Variants in STK24 observed in about 807,000 individuals in gnomAD.
The protein encoded by STK24 is serine/threonine kinase 24.
Under a neutral mutation model 55.6 loss-of-function variants are expected in STK24, and 21 were observed. The ratio of observed to expected loss-of-function variants is 0.38; its 90% CI spans 0.27 to 0.54. STK24 has a LOEUF of 0.54. STK24 is among the 20% of genes least tolerant of loss of function. STK24 has a pLI of 0.79. For synonymous variants in STK24, 200 were observed against 215.2 expected, an observed-to-expected ratio of 0.93 and a Z score of 0.62; for missense variants, 383 against 538.4, an observed-to-expected ratio of 0.71 and a Z score of 2.86.
rs371897029 is a variant in STK24, at chr13:98,514,463, C to G, written c.273+4780G>C. 1.6e-3 allele frequency among the ~76,000 whole-genome samples: 250 copies of G among 152,324 alleles called. 1 individual carries two copies. Among genetic ancestry groups the G allele is most frequent in the African/African-American group, 5.9e-3 (244 of 41,572 alleles). ...CACAATCAATCCTTTCCCAGAATAA[C>G]CTGTACTTTCATAGAGTACTTAGTT... On this transcript the variant is annotated intron_variant, in intron 2 of 10. Coordinates refer to ENST00000539966, the MANE Select transcript of STK24 (RefSeq NM_001032296.4).
At chr13:98,555,048 G>C (rs1897252259) in intron 1 of STK24, among the ~76,000 whole-genome samples, 1 of 142,844 alleles carries the variant, frequency 7.0e-6, no homozygotes, top group Non-Finnish European at 1.5e-5. Context: ...AGAAAAAATA[G>C]TTTAAGAACA....
At chr13:98,554,027 A>T (rs533321228) in intron 1 of STK24, among the ~76,000 whole-genome samples, 1 of 149,772 alleles carries the variant, frequency 6.7e-6, no homozygotes, top group African/African-American at 2.5e-5. Context: ...ACGCCACTGC[A>T]CTCCAGCCTG....
At chr13:98,551,531 G>A (rs1897160925) in intron 1 of STK24, among the ~76,000 whole-genome samples, 3 of 151,628 alleles carry the variant, frequency 2.0e-5, no homozygotes, top group African/African-American at 7.3e-5. Flanking sequence ...TTTCATGCAG[G>A]AGGGAGGAAG....
chr13:98,500,370 G>A (rs1246087778), intron 2 of STK24, among the ~76,000 whole-genome samples: 1 of 152,138 alleles, frequency 6.6e-6, no homozygotes, highest in Non-Finnish European at 1.5e-5. Context: ...TATTTAAGAA[G>A]GCTCTGCCAT....
chr13:98,546,069 G>C (rs1897022142), intron 1 of STK24, among the ~76,000 whole-genome samples: 1 of 152,220 alleles, frequency 6.6e-6, no homozygotes, highest in African/African-American at 2.4e-5. Context: ...AAGGCTAAGA[G>C]TACAGGATTA....
rs78779370 is a variant in STK24 at position 98,569,314 on chromosome 13, G to C, written c.42+7431C>G. On this transcript the variant is annotated intron_variant, in intron 1 of 10. Transcript: ENST00000539966. Reference sequence around the variant, plus strand: ...CTGAGGGAGAAGAAAAAAAATTTTTGAAAAGCCTGTCTCCCACGCTGCCTA... The same window carrying C: ...CTGAGGGAGAAGAAAAAAAATTTTTCAAAAGCCTGTCTCCCACGCTGCCTA... Among the ~76,000 whole-genome samples, 1,325 of 150,722 alleles carry C rather than the reference G, an allele frequency of 8.8e-3. 25 individuals are homozygous for C. The highest frequency in any genetic ancestry group is 0.03 in the African/African-American group (1,219 of 40,922).
At chr13:98,555,014 CAA>C (rs398024117) in intron 1 of STK24, among the ~76,000 whole-genome samples, 40 of 88,314 alleles carry the variant, frequency 4.5e-4, no homozygotes, top group South Asian at 3.9e-3. Context: ...GACTCCAACT[CAA>C]AAAAAAAAAA....
At position 98,496,792 on chromosome 13, in the gene STK24, C is replaced by T. The variant is rs80075602; in HGVS notation, c.274-14471G>A. On this transcript the variant is annotated intron_variant, in intron 2 of 10. Transcript: ENST00000539966. ...AGAGGGCAGAGTTGATTAATCGGAG[C>T]CAACAAATGGTGAAAACAGAAGTGG... Among the ~76,000 whole-genome samples, 383 of 152,318 alleles carry T rather than the reference C, an allele frequency of 2.5e-3. 2 individuals are homozygous for T. The highest frequency in any genetic ancestry group is 4.4e-3 in the Admixed American group (67 of 15,304).
At chr13:98,551,445 T>C (rs1335824765) in intron 1 of STK24, among the ~76,000 whole-genome samples, 3 of 151,862 alleles carry the variant, frequency 2.0e-5, no homozygotes, top group Non-Finnish European at 4.4e-5. Context: ...CCGTCATACT[T>C]TCTCTTTTTT....
intron 2 of STK24, among the ~76,000 whole-genome samples, chr13:98,508,505 C>T (rs1329557066): frequency 6.6e-6 from 1 of 152,194 alleles, no homozygotes; most frequent in Admixed American, 6.5e-5. Context: ...GCAACTTACA[C>T]CACAAGCCCC....
At chr13:98,574,399 T>TCC (rs1489340078) in intron 1 of STK24, among the ~76,000 whole-genome samples, 1 of 152,216 alleles carries the variant, frequency 6.6e-6, no homozygotes. Flanking sequence ...CGGACTTCTC[T>TCC]CCTCCCATTT....
intron 1 of STK24, among the ~76,000 whole-genome samples, chr13:98,556,784 A>G (rs1329732798): frequency 2.6e-5 from 4 of 152,174 alleles, no homozygotes; most frequent in Admixed American, 1.3e-4. Flanking sequence ...CTGCTATGCA[A>G]CTCACTGGAA....
intron 2 of STK24, among the ~76,000 whole-genome samples, chr13:98,509,837 ACTCT>A (rs1287126713): frequency 2.9e-5 from 4 of 138,224 alleles, no homozygotes; most frequent in Non-Finnish European, 6.5e-5. Context: ...AGTTGTGCAC[ACTCT>A]CTCTGTCGCT....
At chr13:98,529,794 C>T (rs950095483) in intron 1 of STK24, among the ~76,000 whole-genome samples, 3 of 152,128 alleles carry the variant, frequency 2.0e-5, no homozygotes, top group Admixed American at 6.5e-5. Flanking sequence ...CCATCAAATG[C>T]AATGACTCTA....
At chr13:98,470,980 G>C (rs1703654238) in intron 5 of STK24, among the ~76,000 whole-genome samples, 1 of 152,192 alleles carries the variant, frequency 6.6e-6, no homozygotes, top group African/African-American at 2.4e-5. Context: ...GGCATCTAGA[G>C]GCGTATGTGA....
chr13:98,527,429 G>A (rs1456374797), intron 1 of STK24, among the ~76,000 whole-genome samples: 1 of 152,210 alleles, frequency 6.6e-6, no homozygotes, highest in Non-Finnish European at 1.5e-5. Flanking sequence ...GGCCTGCAAA[G>A]GGGCAAGGTG....
intron 2 of STK24, among the ~76,000 whole-genome samples, chr13:98,511,707 T>C (rs763816779): frequency 6.6e-6 from 1 of 152,128 alleles, no homozygotes; most frequent in Non-Finnish European, 1.5e-5. Flanking sequence ...ACAACAGATG[T>C]GTGATTCCAT....
chr13:98,460,421 C>T lies in STK24; in HGVS notation c.1073G>A (p.Arg358Lys), dbSNP rs1893652900. 1.9e-6 allele frequency: 3 copies of T among 1,613,266 alleles called. No individual in the cohort carries two copies. Among genetic ancestry groups the T allele is most frequent in the Admixed American group, 1.7e-5 (1 of 59,990 alleles). ...TGTAGATAAACACTGAGAGAAAGGC[C>T]TCTTCGGGATGTCTTTCATCTTGGG... Reference protein sequence around the residue: ...DRNKMKDIPKRPFSQCLSTII... With the variant: ...DRNKMKDIPKKPFSQCLSTII... The change falls in exon 9 of 11, where the codon AGG becomes AAG. Residue 358 changes from arginine to lysine, a missense_variant. Physicochemically the swap from Arg to Lys is conservative, Grantham distance 26. Transcript: ENST00000539966.
At chr13:98,507,180 CT>C (rs1895714869) in intron 2 of STK24, among the ~76,000 whole-genome samples, 1 of 152,242 alleles carries the variant, frequency 6.6e-6, no homozygotes, top group South Asian at 2.1e-4. Context: ...CTGAAATACC[CT>C]CTGTAGAAGG....
Sources: gnomAD v4.1 joint callset for allele counts (sites outside exome capture counted in the v4.1 genomes callset) on GRCh38, gnomAD v4.1.1 for gene constraint, MANE v1.5 for transcripts, NCBI Gene and HGNC (gene_info 2026-07-23, HGNC 2026-07-21) for gene names.